Variants in MYL5 observed in about 807,000 individuals in gnomAD.
MYL5 encodes the protein myosin regulatory light chain 5.
A neutral mutation model predicts 20.8 loss-of-function variants in MYL5; 28 were observed. The observed-to-expected ratio is 1.35, with a 90% confidence interval of 1.00 to 1.84. The LOEUF is 1.84. Among genes scored for constraint, MYL5 ranks in the 40% most tolerant of loss-of-function variants. The pLI, the probability that MYL5 is intolerant of heterozygous loss-of-function variation, is 0.00. For synonymous variants in MYL5, 118 were observed against 87.4 expected, an observed-to-expected ratio of 1.35 and a Z score of -1.95; for missense variants, 274 against 227.3, an observed-to-expected ratio of 1.21 and a Z score of -1.32.
At chr4:678,502 G>A in intron 1 of MYL5, 156 bp from the exon 4 acceptor site, 2 of 1,443,246 alleles carry the variant, frequency 1.4e-6, no homozygotes, top group South Asian at 3.0e-5. Context: ...CAGCTACCCA[G>A]GCCTGAGGCT....
intron 6 of MYL5, among the ~76,000 whole-genome samples, chr4:681,620 GCCCCGC>G (rs1560157449): frequency 0.021 from 612 of 29,138 alleles, 80 homozygotes; most frequent in African/African-American, 0.037. Flanking sequence ...CTCCAGCGCC[GCCCCGC>G]CCCCTCCAGC....
At chr4:678,541 CCAGCCCGAAGGGCTGAGGTCCA>C in intron 1 of MYL5, 95 bp from the exon 4 acceptor site, 1 of 1,470,106 alleles carries the variant, frequency 6.8e-7, no homozygotes, top group Non-Finnish European at 9.0e-7. Context: ...CTGGCCCCCT[CCAGCCCGAAGGGCTGAGGTCCA>C]CCCTTCATCT....
rs1332794850 is a variant in MYL5 at position 679,047 on chromosome 4, C to G, written c.187+14C>G. ...ATGCCTCCCTGGGTAGGTACCCAGGCAGAACGCCTCAGAGCCCTTGGAGGA... is the reference window on the plus strand; with the variant it reads ...ATGCCTCCCTGGGTAGGTACCCAGGGAGAACGCCTCAGAGCCCTTGGAGGA... On this transcript the variant is annotated intron_variant, in intron 3 of 6. Transcript: ENST00000400159. 3 of 1,609,220 alleles carry G rather than the reference C, an allele frequency of 1.9e-6. No individual in the cohort carries two copies. Among genetic ancestry groups the G allele is most frequent in the South Asian group, 1.1e-5 (1 of 91,002 alleles).
At chr4:680,999 G>C (rs568509248) in intron 5 of MYL5, 93 bp from the exon 8 acceptor site, 8 of 1,417,158 alleles carry the variant, frequency 5.6e-6, no homozygotes, top group African/African-American at 1.4e-5. Flanking sequence ...CAGTGAGCGA[G>C]TACAACCTGG....
intron 3 of MYL5, 188 bp downstream of exon 5, chr4:679,221 T>C: frequency 1.4e-6 from 1 of 701,964 alleles, no homozygotes; most frequent in African/African-American, 1.7e-5. Flanking sequence ...GCAGAGAGCA[T>C]CCCAGGGTGA....
exon 7 of MYL5, chr4:682,016 C>A: frequency 1.4e-6 from 2 of 1,428,138 alleles, no homozygotes; most frequent in Non-Finnish European, 1.9e-6. Flanking sequence ...GTCAATAAAC[C>A]TGGACGCTTG....
chr4:679,790 C>T (rs562663108), intron 3 of MYL5, 124 bp from the exon 6 acceptor site: 9 of 747,702 alleles, frequency 1.2e-5, no homozygotes, highest in South Asian at 6.9e-5. Context: ...CTGGGCCAAG[C>T]GTCTCCTTCC....
At chr4:680,331 C>T (rs947321538) in intron 4 of MYL5, among the ~76,000 whole-genome samples, 178 bp from the exon 7 acceptor site, 2 of 152,158 alleles carry the variant, frequency 1.3e-5, no homozygotes, top group Admixed American at 6.5e-5. Context: ...CAGGAGTGCC[C>T]GACAAGGCCT....
intron 6 of MYL5, 30 bp from the exon 9 acceptor site, chr4:681,863 C>T (rs773154641): frequency 1.5e-6 from 2 of 1,308,074 alleles, no homozygotes. Context: ...TCCCGGAGCC[C>T]GCAAGGAGCC....
intron 3 of MYL5, among the ~76,000 whole-genome samples, chr4:679,639 A>G (rs1739241587): frequency 6.6e-6 from 1 of 152,124 alleles, no homozygotes; most frequent in South Asian, 2.1e-4. Flanking sequence ...GGCCCTGCTT[A>G]TGCCCAGAAT....
At chr4:678,685 G>T in exon 2 of MYL5, 11 of 1,611,094 alleles carry the variant, frequency 6.8e-6, no homozygotes, top group Non-Finnish European at 9.3e-6. Flanking sequence ...GAAGAAGGAA[G>T]GGGGTGCCCT....
chr4:676,154 C>G (rs1738816850), upstream of MYL5: 1 of 152,294 alleles, frequency 6.6e-6, no homozygotes, highest in African/African-American at 2.4e-5. Flanking sequence ...CCACAAGGCA[C>G]AGAACCATCT....
In MYL5 at chr4:678,036, A is replaced by T; in HGVS notation, c.3+7A>T. 6.2e-7 allele frequency: 1 copy of T among 1,613,346 alleles called. No homozygotes were observed. The highest frequency in any genetic ancestry group is 1.7e-5 in the Admixed American group (1 of 60,018). On this transcript the variant is annotated splice_region_variant and intron_variant, in intron 1 of 6. Coordinates refer to ENST00000400159, the Ensembl canonical transcript of MYL5. The stretch of plus-strand genomic sequence containing the variant: ...GCAGGCAGAAGCAGGCATGGTGAGC[A>T]GGCCGCCGTGCATGCCTGGGGCAGG...
chr4:680,409 CCCCCTGCTTGGG>C, intron 4 of MYL5, 88 bp from the exon 7 acceptor site: 8 of 1,215,532 alleles, frequency 6.6e-6, no homozygotes, highest in Non-Finnish European at 9.6e-6. Flanking sequence ...CTTGGAGTCT[CCCCCTGCTTGGG>C]GCAGGGGTCT....
intron 4 of MYL5, among the ~76,000 whole-genome samples, chr4:680,280 G>C (rs1739322836): frequency 6.6e-6 from 1 of 152,126 alleles, no homozygotes; most frequent in African/African-American, 2.4e-5. Context: ...CTCCAGGCCT[G>C]GGCTGACCCT....
chr4:681,823 G>A, intron 6 of MYL5, 70 bp from the exon 9 acceptor site: 1 of 1,268,714 alleles, frequency 7.9e-7, no homozygotes, highest in East Asian at 3.0e-5. Flanking sequence ...CCACACCCGG[G>A]GCCGCTGCAG....
chr4:679,962 C>T lies in MYL5; in HGVS notation c.236C>T (p.Ala79Val), dbSNP rs757818619. The change falls in exon 4 of 7, where the codon GCC becomes GTC. Residue 79 changes from alanine to valine, a missense_variant. Physicochemically the swap from Ala to Val is moderately conservative, Grantham distance 64. Transcript: ENST00000400159. ...GAGCTGGACGCCATGCTCAAAGAGG[C>T]CTCGGGGCCCATCAACTTCACCATG... is the stretch of plus-strand genomic sequence containing the variant. The T allele has an allele frequency of 1.2e-5, 20 of 1,613,504 alleles. No homozygotes were observed. Among genetic ancestry groups the T allele is most frequent in the East Asian group, 2.2e-5 (1 of 44,894 alleles).
intron 1 of MYL5, chr4:678,454 C>T (rs548966765): frequency 2.1e-6 from 3 of 1,429,770 alleles, no homozygotes; most frequent in Non-Finnish European, 2.7e-6. Flanking sequence ...AGTCCCTGTG[C>T]TGAAGCCAGA....
upstream of MYL5, chr4:676,454 C>G (rs780615187): frequency 6.6e-6 from 1 of 152,266 alleles, no homozygotes; most frequent in African/African-American, 2.4e-5. Context: ...AAGGCCTTTC[C>G]TGAGAGCTTA....
Sources: allele counts gnomAD v4.1 joint callset (sites outside exome capture counted in the v4.1 genomes callset), GRCh38; gene constraint gnomAD v4.1.1; transcripts MANE v1.5; gene names NCBI Gene and HGNC (gene_info 2026-07-23, HGNC 2026-07-21).